Variants in MUCL3 observed in about 807,000 individuals in gnomAD.
The protein encoded by MUCL3 is mucin-like protein 3.
Under a neutral mutation model 70.2 loss-of-function variants are expected in MUCL3, and 42 were observed. The ratio of observed to expected loss-of-function variants is 0.60; its 90% CI spans 0.47 to 0.77. The LOEUF is 0.77. Ranked by LOEUF, MUCL3 falls within the 30% of genes least tolerant of loss-of-function variation. The probability of loss-of-function intolerance (pLI) is 0.00; values close to 1 mark genes in which losing one functional copy is unlikely to be tolerated. For synonymous variants in MUCL3, 522 were observed against 647.0 expected (o/e 0.81, Z 2.93); for missense variants, 1,429 against 1,670.0 (o/e 0.86, Z 2.52).
At chr6:30,947,264 C>T (rs1371110900) in intron 1 of MUCL3, among the ~76,000 whole-genome samples, 1 of 152,200 alleles carries the variant, frequency 6.6e-6, no homozygotes, top group Non-Finnish European at 1.5e-5. Context: ...ATCATTCAGC[C>T]CCCTTCTCTC....
intron 1 of MUCL3, among the ~76,000 whole-genome samples, chr6:30,943,237 T>G (rs1795650874): frequency 6.6e-6 from 1 of 152,134 alleles, no homozygotes; most frequent in Non-Finnish European, 1.5e-5. Context: ...CATCATGCAG[T>G]CACAGAACCA....
At position 30,951,194 on chromosome 6, in the gene MUCL3, C is replaced by G; in HGVS notation, c.2730C>G (p.Thr910=). 6.4e-7 allele frequency: 1 copy of G among 1,551,582 alleles called. No individual in the cohort carries two copies. Among genetic ancestry groups the G allele is most frequent in the South Asian group, 1.2e-5 (1 of 84,026 alleles). The change falls in exon 2 of 3, where the codon ACC becomes ACG. Residue 910 remains threonine (T), a synonymous_variant. Coordinates refer to ENST00000462446, the MANE Select transcript of MUCL3 (RefSeq NM_080870.4). ...PTENGERTPF[T]NEKTTPSSAE... ...AAAATGGAGAAAGGACCCCATTTAC[C>G]AATGAGAAGACCACACCATCCTCAG...
chr6:30,943,679 G>C (rs1226560368), intron 1 of MUCL3, among the ~76,000 whole-genome samples: 1 of 152,226 alleles, frequency 6.6e-6, no homozygotes, highest in Non-Finnish European at 1.5e-5. Flanking sequence ...GGGGTCCTTG[G>C]AAGAATCTAA....
chr6:30,946,895 A>G (rs759148920), intron 1 of MUCL3, among the ~76,000 whole-genome samples: 37 of 152,334 alleles, frequency 2.4e-4, no homozygotes, highest in Non-Finnish European at 3.7e-4. Flanking sequence ...CAACCTCAAC[A>G]GGTTCTTGTG....
intron 1 of MUCL3, among the ~76,000 whole-genome samples, chr6:30,947,438 C>T (rs1393316022): frequency 6.6e-6 from 1 of 152,174 alleles, no homozygotes; most frequent in African/African-American, 2.4e-5. Context: ...GTCCAGGTTC[C>T]GGTTGCCGCC....
intron 1 of MUCL3, among the ~76,000 whole-genome samples, chr6:30,944,199 C>T (rs1795693713): frequency 6.6e-6 from 1 of 151,950 alleles, no homozygotes; most frequent in Admixed American, 6.6e-5. Context: ...TTCCTTCCTT[C>T]CCTTTCCTTT....
Position 30,949,031 on chromosome 6 carries a change from G to A in MUCL3, c.567G>A (p.Leu189=), listed in dbSNP as rs1427350429. The A allele has an allele frequency of 1.3e-6, 2 of 1,551,630 alleles. No homozygotes were observed. Among genetic ancestry groups the A allele is most frequent in the Non-Finnish European group, 1.7e-6 (2 of 1,146,974 alleles). ...AATCAGATAAAACTGGAAGACCTTTGGAAAAGTCCATGAGTACTTTGGATA... is the reference window on the plus strand; with the variant it reads ...AATCAGATAAAACTGGAAGACCTTTAGAAAAGTCCATGAGTACTTTGGATA... ...TRKSDKTGRP[L]EKSMSTLDKT... Residue 189 remains leucine (L), a synonymous_variant, in exon 2 of 3, where the codon TTG becomes TTA. Transcript: ENST00000462446.
In MUCL3 at chr6:30,950,864, G is replaced by A; in HGVS notation, c.2400G>A (p.Glu800=). The change falls in exon 2 of 3, where the codon GAG becomes GAA. Residue 800 remains glutamate (E), a synonymous_variant. Transcript: ENST00000462446. ...ANEKTTSSSA[E]PTEHAERTPL... The stretch of plus-strand genomic sequence containing the variant: ...AGAAGACCACATCATCCTCAGCAGA[G>A]CCTACAGAACACGCAGAAAGGACTC... 6.5e-7 allele frequency: 1 copy of A among 1,548,438 alleles called. No homozygotes were observed. The highest frequency in any genetic ancestry group is 8.7e-7 in the Non-Finnish European group (1 of 1,146,684).
At position 30,953,187 on chromosome 6, in the gene MUCL3, C is replaced by A. The variant is rs940084555; in HGVS notation, c.*70C>A. 6.4e-7 allele frequency: 1 copy of A among 1,571,058 alleles called. No homozygotes were observed. The highest frequency in any genetic ancestry group is 1.4e-5 in the African/African-American group (1 of 73,898). On this transcript the variant is annotated 3_prime_UTR_variant, in exon 3 of 3. Coordinates refer to ENST00000462446, the MANE Select transcript of MUCL3 (RefSeq NM_080870.4). The stretch of plus-strand genomic sequence containing the variant: ...TTTCCTGGATGAGGAACCGGACTCA[C>A]AATTTCTATTTCCGGGACTACAGGA...
At chr6:30,946,719 G>T (rs58893284) in intron 1 of MUCL3, among the ~76,000 whole-genome samples, 27,980 of 152,080 alleles carry the variant, frequency 0.18, 3,428 homozygotes, top group African/African-American at 0.35. Flanking sequence ...CTGACCTATT[G>T]GCTGTGCACT....
At position 30,949,591 on chromosome 6, in the gene MUCL3, C is replaced by A; in HGVS notation, c.1127C>A (p.Ser376Tyr). ...ACAGCCAATGAGAACACCACACCAT[C>A]CCCAGCAGAGCCTACAGAACATGGA... ...ERTANENTTPSPAEPTEHGER... is the reference protein window; with the variant it reads ...ERTANENTTPYPAEPTEHGER... The change falls in exon 2 of 3, where the codon TCC (serine) becomes TAC (tyrosine). Residue 376 changes from serine to tyrosine, a missense_variant. Ser to Tyr is a moderately radical substitution (Grantham distance 144). Coordinates refer to ENST00000462446, the MANE Select transcript of MUCL3 (RefSeq NM_080870.4). 1.3e-6 allele frequency: 2 copies of A among 1,538,886 alleles called. No individual in the cohort carries two copies. Among genetic ancestry groups the A allele is most frequent in the Non-Finnish European group, 1.8e-6 (2 of 1,140,374 alleles).
chr6:30,952,746 G>A (rs924865173), intron 2 of MUCL3, among the ~76,000 whole-genome samples: 26 of 152,196 alleles, frequency 1.7e-4, no homozygotes, highest in African/African-American at 6.3e-4. Context: ...AGAAAGTGTG[G>A]GGGGTGGAGA....
In MUCL3 at chr6:30,953,116, G is replaced by C. The variant is rs1286021651; in HGVS notation, c.4181G>C (p.Ter1394SerextTer56). 1 of 1,613,844 alleles carries C rather than the reference G, an allele frequency of 6.2e-7. No homozygotes were observed. The highest frequency in any genetic ancestry group is 1.3e-5 in the African/African-American group (1 of 74,944). Residue 1394 changes from the stop codon to serine, a stop_lost, in exon 3 of 3, where the codon TGA becomes TCA. Coordinates refer to ENST00000462446, the MANE Select transcript of MUCL3 (RefSeq NM_080870.4). ...LGMGQIPSPR[*>S] ...ATGGGCCAGATCCCTTCCCCACGGT[G>C]ATCTTGGAGTAGGCGCCCAGCCCTG...
rs1231779155 is a variant in MUCL3, at chr6:30,948,533, C to T, written c.83-14C>T. 4 of 1,494,312 alleles carry T rather than the reference C, an allele frequency of 2.7e-6. No individual in the cohort carries two copies. The East Asian group carries it at 7.4e-5, about 28-fold the overall frequency. The allele number at this position is 1,494,312 out of a possible 1,614,324, so 92.6% of individuals were successfully genotyped here. ...CATGGGGGAAGTTTCTTATTTGCCT[C>T]TCTCCCTCCACAGGTGCTACTACAT... On this transcript the variant is annotated splice_polypyrimidine_tract_variant and intron_variant, in intron 1 of 2. Transcript: ENST00000462446.
rs1760588732 is a variant in MUCL3, at chr6:30,950,381, A to T, written c.1917A>T (p.Ala639=). The part of the protein sequence containing the change: ...TANENTTPSP[A]GPTENREMTA... ...ATGAGAACACCACACCATCCCCAGC[A>T]GGGCCTACAGAAAATAGAGAAATGA... The change falls in exon 2 of 3, where the codon GCA becomes GCT. Residue 639 remains alanine, a synonymous_variant. Coordinates refer to ENST00000462446, the MANE Select transcript of MUCL3 (RefSeq NM_080870.4). 6.4e-7 allele frequency: 1 copy of T among 1,550,668 alleles called. No homozygotes were observed. The highest frequency in any genetic ancestry group is 1.2e-5 in the South Asian group (1 of 83,950).
Position 30,950,554 on chromosome 6 carries a change from C to T in MUCL3, c.2090C>T (p.Ser697Leu). 1 of 1,548,388 alleles carries T rather than the reference C, an allele frequency of 6.5e-7. No individual in the cohort carries two copies. The highest frequency in any genetic ancestry group is 2.0e-5 in the Admixed American group (1 of 50,608). Reference sequence around the variant, plus strand: ...GCCAATGAGAAAACCACATCATCCTCAGCAGAGCCTACAGAACACGGAGAA... The same window carrying T: ...GCCAATGAGAAAACCACATCATCCTTAGCAGAGCCTACAGAACACGGAGAA... ...PFANEKTTSS[S>L]AEPTEHGERT... is the part of the protein sequence containing the mutation. Residue 697 changes from serine (S) to leucine (L), a missense_variant, in exon 2 of 3, where the codon TCA becomes TTA. By Grantham distance (145) the Ser-to-Leu change is moderately radical. Transcript: ENST00000462446.
chr6:30,946,998 G>C (rs535812610), intron 1 of MUCL3, among the ~76,000 whole-genome samples: 3 of 152,262 alleles, frequency 2.0e-5, no homozygotes, highest in Non-Finnish European at 4.4e-5. Flanking sequence ...ATTGTTGTGG[G>C]ACTATGTACA....
In MUCL3 at chr6:30,941,089, G is replaced by A. The variant is rs1490580783; in HGVS notation, c.82+8G>A. 6.5e-7 allele frequency: 1 copy of A among 1,549,346 alleles called. No homozygotes were observed. The highest frequency in any genetic ancestry group is 1.4e-5 in the African/African-American group (1 of 73,054). ...TAGCTTCTTGGGGGGCAGGTAAGATGCCCACAGGGGATACAGAAGACAGAA... is the reference window on the plus strand; with the variant it reads ...TAGCTTCTTGGGGGGCAGGTAAGATACCCACAGGGGATACAGAAGACAGAA... On this transcript the variant is annotated splice_region_variant and intron_variant, in intron 1 of 2. Transcript: ENST00000462446.
At chr6:30,943,858 CTTT>C (rs202030984) in intron 1 of MUCL3, among the ~76,000 whole-genome samples, 1 of 145,662 alleles carries the variant, frequency 6.9e-6, no homozygotes, top group Non-Finnish European at 1.5e-5. Flanking sequence ...TTTAGCTTTC[CTTT>C]TTTTTTTTTG....
Sources: gnomAD v4.1 joint callset for allele counts (sites outside exome capture counted in the v4.1 genomes callset) on GRCh38, gnomAD v4.1.1 for gene constraint, MANE v1.5 for transcripts, NCBI Gene and HGNC (gene_info 2026-07-23, HGNC 2026-07-21) for gene names.